Variants in CHD2 observed in about 807,000 individuals in gnomAD.
CHD2 encodes the protein chromodomain helicase DNA binding protein 2.
In CHD2, 28 loss-of-function variants were observed where a neutral mutation model predicts 243.9. The ratio of observed to expected loss-of-function variants is 0.11; its 90% CI spans 0.09 to 0.16. CHD2 has a LOEUF of 0.16. Ranked by LOEUF, CHD2 falls within the 10% of genes least tolerant of loss-of-function variation. The probability of loss-of-function intolerance (pLI) is 1.00; values close to 1 mark genes in which losing one functional copy is unlikely to be tolerated. For synonymous variants in CHD2, 775 were observed against 779.0 expected (o/e 0.99, Z 0.09); for missense variants, 1,386 against 2,209.8 (o/e 0.63, Z 7.47).
intron 16 of CHD2, among the ~76,000 whole-genome samples, chr15:92,957,757 C>T (rs1002516225): frequency 2.6e-5 from 4 of 151,868 alleles, no homozygotes; most frequent in Admixed American, 6.6e-5. Flanking sequence ...CAACCATCAT[C>T]ATTGTCCAGT....
chr15:92,918,215 C>T (rs2141731285), intron 2 of CHD2, among the ~76,000 whole-genome samples: 1 of 152,218 alleles, frequency 6.6e-6, no homozygotes, highest in Non-Finnish European at 1.5e-5. Context: ...TTAATCACTC[C>T]GTTTTTACCT....
At position 93,012,141 on chromosome 15, in the gene CHD2, C is replaced by G. The variant is rs62023153; in HGVS notation, c.4593-204C>G. ...ATTGATTTTGTTTCCCTTAAAGTTG[C>G]AATTTCCAAGAACCTATCGACAACA... is the stretch of plus-strand genomic sequence containing the variant. On this transcript the variant is annotated intron_variant, in intron 35 of 38. Transcript: ENST00000394196. 0.01 allele frequency among the ~76,000 whole-genome samples: 1,586 copies of G among 152,216 alleles called. 20 individuals are homozygous for G. The highest frequency in any genetic ancestry group is 0.016 in the Non-Finnish European group (1,120 of 68,004).
intron 14 of CHD2, 116 bp downstream of exon 14, chr15:92,953,689 C>T (rs1004521823): frequency 8.3e-5 from 76 of 911,164 alleles, no homozygotes; most frequent in Admixed American, 1.4e-4. Flanking sequence ...TGATACTGTG[C>T]TGTGTTCTCA....
In CHD2 at chr15:92,904,759, C is replaced by T. The variant is rs1596362670; in HGVS notation, c.62+3460C>T. 2.2e-6 allele frequency: 3 copies of T among 1,393,054 alleles called. No individual in the cohort carries two copies. In the Admixed American group the frequency reaches 9.5e-5, roughly 44 times the overall value. 86.3% of individuals were successfully genotyped at this position (1,393,054 alleles called of 1,614,324 possible). A position where few individuals can be genotyped will look rare whatever the true frequency, so the allele number is the denominator to read the frequency against. On this transcript the variant is annotated intron_variant, in intron 2 of 38. Coordinates refer to ENST00000394196, the MANE Select transcript of CHD2 (RefSeq NM_001271.4). ...CAGTTTTACATTTTCCCTTTTCATA[C>T]CTTAGCGTCCCTTCTCCCCGCCCCC...
chr15:92,994,211 T>G (rs188531894), intron 28 of CHD2, among the ~76,000 whole-genome samples: 1 of 152,338 alleles, frequency 6.6e-6, no homozygotes, highest in African/African-American at 2.4e-5. Context: ...GGGCAAGTTA[T>G]ATCCCTTCAA....
Position 92,924,570 on chromosome 15 carries a change from C to T in CHD2, c.294+18C>T, listed in dbSNP as rs771270272. On this transcript the variant is annotated intron_variant, in intron 3 of 38. Coordinates refer to ENST00000394196, the MANE Select transcript of CHD2 (RefSeq NM_001271.4). ...TGAAGAAGGTATCTACTTTGCCCTGCAGTACAAATGTGCTGCTAGCCTAGG... is the reference window on the plus strand; with the variant it reads ...TGAAGAAGGTATCTACTTTGCCCTGTAGTACAAATGTGCTGCTAGCCTAGG... 1 of 1,603,834 alleles carries T rather than the reference C, an allele frequency of 6.2e-7. No individual in the cohort carries two copies. Among genetic ancestry groups the T allele is most frequent in the Non-Finnish European group, 8.5e-7 (1 of 1,170,936 alleles).
Position 92,949,142 on chromosome 15 carries a change from G to T in CHD2, c.1502+66G>T, listed in dbSNP as rs1205263733. 9.5e-6 allele frequency: 15 copies of T among 1,576,238 alleles called. No homozygotes were observed. The South Asian group carries it at 1.4e-4, about 15-fold the overall frequency. ...TGGCTTCTTTATTGTTAGATGTCAA[G>T]AATTTTTTTTTTCTTTTTTCACACC... is the stretch of plus-strand genomic sequence containing the variant. On this transcript the variant is annotated intron_variant, in intron 13 of 38. Coordinates refer to ENST00000394196, the MANE Select transcript of CHD2 (RefSeq NM_001271.4).
At chr15:92,981,008 GA>G in intron 23 of CHD2, 97 bp downstream of exon 23, 1 of 832,168 alleles carries the variant, frequency 1.2e-6, no homozygotes. Context: ...CTTTTGTAAA[GA>G]AAAAGTAATT....
chr15:92,993,703 G>C (rs1235305291), intron 28 of CHD2, among the ~76,000 whole-genome samples: 1 of 152,334 alleles, frequency 6.6e-6, no homozygotes, highest in Admixed American at 6.5e-5. Context: ...AGCAGTTTGG[G>C]AGGCTGAGGC....
At position 92,984,443 on chromosome 15, in the gene CHD2, G is replaced by A. The variant is rs1005206801; in HGVS notation, c.3180G>A (p.Arg1060=). 5.0e-6 allele frequency: 8 copies of A among 1,612,314 alleles called. No individual in the cohort carries two copies. Among genetic ancestry groups the A allele is most frequent in the Admixed American group, 1.7e-5 (1 of 59,876 alleles). The stretch of plus-strand genomic sequence containing the variant: ...GGAAAAAAGTAGAGGAGGAAGAGCG[G>A]CAGAAGGAGCTAGAAGAAATTTATA... ...EQRKKVEEEE[R]QKELEEIYML... is the part of the protein sequence containing the mutation. The change falls in exon 25 of 39, where the codon CGG becomes CGA. Residue 1060 remains arginine (R), a synonymous_variant. Coordinates refer to ENST00000394196, the MANE Select transcript of CHD2 (RefSeq NM_001271.4).
Position 93,020,291 on chromosome 15 carries a change from A to G in CHD2, c.5153+33A>G, listed in dbSNP as rs568722021. 1.3e-5 allele frequency: 21 copies of G among 1,613,574 alleles called. 1 individual carries two copies. The highest frequency in any genetic ancestry group is 9.3e-5 in the African/African-American group (7 of 74,908). On this transcript the variant is annotated intron_variant, in intron 38 of 38. Coordinates refer to ENST00000394196, the MANE Select transcript of CHD2 (RefSeq NM_001271.4). ...AAAGGCTGTGAGACACCAGGTGCCAACCTTTGCCAGGAGCTGTTTCTAGGG... is the reference window on the plus strand; with the variant it reads ...AAAGGCTGTGAGACACCAGGTGCCAGCCTTTGCCAGGAGCTGTTTCTAGGG...
chr15:92,901,197 A>G lies in CHD2; in HGVS notation c.-41A>G. The G allele has an allele frequency of 7.9e-7, 1 of 1,267,514 alleles. No individual in the cohort carries two copies. Among genetic ancestry groups the G allele is most frequent in the Middle Eastern group, 1.8e-4 (1 of 5,426 alleles). The allele number at this position is 1,267,514 out of a possible 1,614,324, so 78.5% of individuals were successfully genotyped here. A position where few individuals can be genotyped will look rare whatever the true frequency, so the allele number is the denominator to read the frequency against. On this transcript the variant is annotated 5_prime_UTR_variant, in exon 2 of 39. Transcript: ENST00000394196. Reference sequence around the variant, plus strand: ...ACCTGGGCACAGGACTTCAAAGCAAACACAGATTCCCCCTCCCCCTTAATA... The same window carrying G: ...ACCTGGGCACAGGACTTCAAAGCAAGCACAGATTCCCCCTCCCCCTTAATA...
At chr15:92,947,002 TTAAA>T (rs927203117) in intron 12 of CHD2, 7 of 152,074 alleles carry the variant, frequency 4.6e-5, no homozygotes, top group African/African-American at 1.7e-4. Flanking sequence ...AAGTTAGAAA[TTAAA>T]TATATAGGCT....
intron 35 of CHD2, 91 bp downstream of exon 35, chr15:93,009,414 T>TTTTATTAA: frequency 1.6e-6 from 2 of 1,287,378 alleles, no homozygotes; most frequent in Non-Finnish European, 2.1e-6. Flanking sequence ...CATAGCCACC[T>TTTTATTAA]AAGAAATCTT....
At chr15:92,924,622 T>C in intron 3 of CHD2, 70 bp downstream of exon 3, 3 of 1,322,980 alleles carry the variant, frequency 2.3e-6, no homozygotes, top group African/African-American at 2.9e-5. Context: ...TTGTTGTTCA[T>C]GAAAACTCAT....
At chr15:92,939,434 C>A in intron 6 of CHD2, 144 bp from the exon 7 acceptor site, 2 of 847,510 alleles carry the variant, frequency 2.4e-6, no homozygotes, top group Non-Finnish European at 1.8e-6. Flanking sequence ...GGGAGTAGGG[C>A]CCAAGAATAT....
At chr15:92,923,785 C>T (rs550908869) in intron 2 of CHD2, among the ~76,000 whole-genome samples, 2 of 152,034 alleles carry the variant, frequency 1.3e-5, no homozygotes, top group Admixed American at 6.5e-5. Context: ...AGGATGCTCT[C>T]GATCTCCTGA....
chr15:93,020,279 C>A (rs373460860), intron 38 of CHD2, 21 bp downstream of exon 38: 1 of 1,613,864 alleles, frequency 6.2e-7, no homozygotes, highest in African/African-American at 1.3e-5. Context: ...GGCTGTGAGA[C>A]ACCAGGTGCC....
rs114934304 is a variant in CHD2 at position 92,958,093 on chromosome 15, T to C, written c.2000+1444T>C. On this transcript the variant is annotated intron_variant, in intron 16 of 38. Coordinates refer to ENST00000394196, the MANE Select transcript of CHD2 (RefSeq NM_001271.4). ...GGGTTATTATATCTTTGTGTGGACATATGTTTTTCTTTCTCTTGCTTAGAG... is the reference window on the plus strand; with the variant it reads ...GGGTTATTATATCTTTGTGTGGACACATGTTTTTCTTTCTCTTGCTTAGAG... Among the ~76,000 whole-genome samples, 322 of 152,324 alleles carry C rather than the reference T, an allele frequency of 2.1e-3. 2 individuals carry two copies. Among genetic ancestry groups the C allele is most frequent in the African/African-American group, 7.4e-3 (308 of 41,582 alleles).
Sources: allele counts gnomAD v4.1 joint callset (sites outside exome capture counted in the v4.1 genomes callset), GRCh38; gene constraint gnomAD v4.1.1; transcripts MANE v1.5; gene names NCBI Gene and HGNC (gene_info 2026-07-23, HGNC 2026-07-21).